Variants in ANO2 observed in about 807,000 individuals in gnomAD.
The protein encoded by ANO2 is anoctamin 2, also known as anoctamin-2.
A neutral mutation model predicts 124.2 loss-of-function variants in ANO2; 101 were observed. The observed-to-expected ratio is 0.81, with a 90% CI of 0.69 to 0.96. ANO2 has a LOEUF of 0.96. Among genes scored for constraint, ANO2 ranks in the 40% least tolerant of loss-of-function variants. ANO2 has a pLI of 0.00. For synonymous variants in ANO2, 486 were observed against 482.5 expected, an observed-to-expected ratio of 1.01 and a Z score of -0.09; for missense variants, 1,293 against 1,274.5, an observed-to-expected ratio of 1.01 and a Z score of -0.22.
At chr12:5,645,175 T>C (rs1377710852) in intron 15 of ANO2, among the ~76,000 whole-genome samples, 1 of 152,042 alleles carries the variant, frequency 6.6e-6, no homozygotes, top group South Asian at 2.1e-4. Flanking sequence ...TTTTCCATAT[T>C]GCCAATCTTT....
intron 14 of ANO2, among the ~76,000 whole-genome samples, chr12:5,649,680 C>T (rs899785079): frequency 1.3e-5 from 2 of 152,176 alleles, no homozygotes; most frequent in African/African-American, 2.4e-5. Context: ...TCTTGGCTCA[C>T]TGCAACCTCC....
intron 10 of ANO2, among the ~76,000 whole-genome samples, chr12:5,763,396 C>T (rs1034836200): frequency 3.3e-5 from 5 of 151,982 alleles, no homozygotes; most frequent in Non-Finnish European, 7.4e-5. Context: ...ATGGTATATA[C>T]TATAGAAATA....
chr12:5,839,110 G>A (rs1257951199), intron 4 of ANO2, among the ~76,000 whole-genome samples: 1 of 152,216 alleles, frequency 6.6e-6, no homozygotes. Context: ...TGAGAGATGG[G>A]AGACAGACAA....
chr12:5,629,405 A>G (rs1490291586), intron 16 of ANO2, among the ~76,000 whole-genome samples: 2 of 152,262 alleles, frequency 1.3e-5, no homozygotes, highest in East Asian at 3.9e-4. Context: ...CTAAGATCCT[A>G]TAGTTTTCCT....
chr12:5,753,732 G>T (rs2080106), intron 10 of ANO2, among the ~76,000 whole-genome samples: 152,244 of 152,282 alleles, frequency 1, 76,103 homozygotes, highest in Middle Eastern at 1. Context: ...GATTTTTGCA[G>T]GTTGATTTAG....
rs191921655 is a variant in ANO2 at position 5,798,056 on chromosome 12, T to C, written c.1055+1451A>G. On this transcript the variant is annotated intron_variant, in intron 10 of 24. Coordinates refer to ENST00000682330, the MANE Select transcript of ANO2 (RefSeq NM_001364791.2). The stretch of plus-strand genomic sequence containing the variant: ...TCTGGTAGGGAGAATTTTTATTTTT[T>C]AATCGTACTTAAAAAAAACAAAAAC... Among the ~76,000 whole-genome samples, 338 of 152,134 alleles carry C rather than the reference T, an allele frequency of 2.2e-3. 1 individual carries two copies. The highest frequency in any genetic ancestry group is 4.3e-3 in the Non-Finnish European group (293 of 67,996).
At chr12:5,780,520 A>G (rs751069393) in intron 10 of ANO2, among the ~76,000 whole-genome samples, 9 of 152,254 alleles carry the variant, frequency 5.9e-5, no homozygotes, top group Non-Finnish European at 1.2e-4. Context: ...GAAAACAGAG[A>G]AACTTCCATT....
intron 20 of ANO2, chr12:5,584,100 G>A: frequency 4.4e-6 from 1 of 228,282 alleles, no homozygotes. Flanking sequence ...CATTCTCTTG[G>A]CTCCCTGTGT....
intron 10 of ANO2, among the ~76,000 whole-genome samples, chr12:5,768,355 C>T (rs531498981): frequency 1.2e-4 from 18 of 152,126 alleles, no homozygotes; most frequent in Non-Finnish European, 2.1e-4. Flanking sequence ...GTCATATTCC[C>T]GCCACCCCAT....
At chr12:5,576,187 TGTATAA>T (rs1430423502) in intron 22 of ANO2, among the ~76,000 whole-genome samples, 172 bp from the exon 23 acceptor site, 4 of 152,168 alleles carry the variant, frequency 2.6e-5, no homozygotes, top group Non-Finnish European at 4.4e-5. Context: ...ATCTTTGATG[TGTATAA>T]GTATAATAAG....
At chr12:5,661,444 T>C (rs1947436470) in intron 14 of ANO2, among the ~76,000 whole-genome samples, 1 of 152,248 alleles carries the variant, frequency 6.6e-6, no homozygotes, top group Non-Finnish European at 1.5e-5. Flanking sequence ...CCTTTGTTCC[T>C]GTCTGTATCA....
chr12:5,865,176 A>T (rs1310287159), intron 3 of ANO2, among the ~76,000 whole-genome samples: 3 of 152,202 alleles, frequency 2.0e-5, no homozygotes, highest in African/African-American at 7.2e-5. Flanking sequence ...TTTTCCTATG[A>T]TTCAATCATC....
intron 9 of ANO2, among the ~76,000 whole-genome samples, chr12:5,805,656 C>A (rs995396497): frequency 6.6e-6 from 1 of 152,278 alleles, no homozygotes; most frequent in East Asian, 1.9e-4. Context: ...TAGAGGTGTT[C>A]CGAGCCCCAT....
chr12:5,731,307 GA>G (rs1592011944), intron 14 of ANO2, among the ~76,000 whole-genome samples: 2 of 150,760 alleles, frequency 1.3e-5, no homozygotes. Flanking sequence ...CTTCGTCTAG[GA>G]AAAAAAATAA....
chr12:5,807,108 C>A lies in ANO2; in HGVS notation c.948+205G>T, dbSNP rs141700647. ...ATTGTGTCATCTGGGGAAATCATTG[C>A]CGAGACAGTTTGAGATGATTGGCAA... On this transcript the variant is annotated intron_variant, in intron 8 of 24. Coordinates refer to ENST00000682330, the MANE Select transcript of ANO2 (RefSeq NM_001364791.2). Among the ~76,000 whole-genome samples, 683 of 152,284 alleles carry A rather than the reference C, an allele frequency of 4.5e-3. 1 individual carries two copies. The highest frequency in any genetic ancestry group is 0.015 in the African/African-American group (605 of 41,564).
chr12:5,723,750 C>T (rs182391886), intron 14 of ANO2, among the ~76,000 whole-genome samples: 4 of 152,308 alleles, frequency 2.6e-5, no homozygotes, highest in African/African-American at 7.2e-5. Flanking sequence ...CAGGGGGCAG[C>T]CTTCAGCAAC....
intron 23 of ANO2, among the ~76,000 whole-genome samples, chr12:5,566,124 T>C (rs1316618706): frequency 6.6e-6 from 1 of 152,176 alleles, no homozygotes; most frequent in Non-Finnish European, 1.5e-5. Flanking sequence ...CTTCTTCCCC[T>C]TCCAGATGCT....
intron 15 of ANO2, among the ~76,000 whole-genome samples, chr12:5,642,262 A>C (rs1311841502): frequency 6.6e-6 from 1 of 151,768 alleles, no homozygotes; most frequent in Non-Finnish European, 1.5e-5. Context: ...ATCTACTCTC[A>C]TTCTCTTGGT....
intron 1 of ANO2, among the ~76,000 whole-genome samples, chr12:5,933,133 T>C (rs1942499167): frequency 6.6e-6 from 1 of 152,172 alleles, no homozygotes; most frequent in Non-Finnish European, 1.5e-5. Flanking sequence ...ATCTGGTGTA[T>C]AGTGCACACT....
Sources: allele counts gnomAD v4.1 joint callset (sites outside exome capture counted in the v4.1 genomes callset), GRCh38; gene constraint gnomAD v4.1.1; transcripts MANE v1.5; gene names NCBI Gene and HGNC (gene_info 2026-07-23, HGNC 2026-07-21).